Variants in KIAA0825 observed in about 807,000 individuals in gnomAD.
The protein encoded by KIAA0825 is KIAA0825.
Under a neutral mutation model 147.6 loss-of-function variants are expected in KIAA0825, and 119 were observed. That is an observed-to-expected ratio of 0.81 (90% confidence interval 0.69 to 0.94). KIAA0825 has a LOEUF of 0.94. Ranked by LOEUF, KIAA0825 falls within the 40% of genes least tolerant of loss-of-function variation. The pLI, the probability that KIAA0825 is intolerant of heterozygous loss-of-function variation, is 0.00. For synonymous variants in KIAA0825, 470 were observed against 518.1 expected, an observed-to-expected ratio of 0.91 and a Z score of 1.26; for missense variants, 1,381 against 1,472.7, an observed-to-expected ratio of 0.94 and a Z score of 1.02.
At chr5:94,347,693 A>G (rs992564056) in intron 20 of KIAA0825, among the ~76,000 whole-genome samples, 1 of 152,206 alleles carries the variant, frequency 6.6e-6, no homozygotes, top group African/African-American at 2.4e-5. Context: ...GAGCCTATCC[A>G]AATGAGAAAA....
At chr5:94,523,887 GT>G in intron 4 of KIAA0825, 42 bp downstream of exon 4, 1 of 1,310,200 alleles carries the variant, frequency 7.6e-7, no homozygotes, top group Non-Finnish European at 1.1e-6. Context: ...TGTATTCCCT[GT>G]TTACTCATCC....
chr5:94,587,935 C>A (rs901985609), intron 1 of KIAA0825, among the ~76,000 whole-genome samples: 2 of 152,134 alleles, frequency 1.3e-5, no homozygotes, highest in African/African-American at 4.8e-5. Flanking sequence ...CAAAAACAAG[C>A]AATGGGGAAA....
intron 6 of KIAA0825, among the ~76,000 whole-genome samples, chr5:94,480,164 C>T (rs1762337151): frequency 6.6e-6 from 1 of 151,724 alleles, no homozygotes; most frequent in South Asian, 2.1e-4. Context: ...TTTGTGGTAG[C>T]AAATGAAGAG....
At chr5:94,159,054 G>A (rs1428536527) in intron 20 of KIAA0825, among the ~76,000 whole-genome samples, 1 of 152,174 alleles carries the variant, frequency 6.6e-6, no homozygotes, top group Admixed American at 6.5e-5. Context: ...AGGTTAAGTA[G>A]TTTAACAACA....
intron 20 of KIAA0825, among the ~76,000 whole-genome samples, chr5:94,200,111 C>T (rs1771525434): frequency 6.6e-6 from 1 of 152,148 alleles, no homozygotes; most frequent in Non-Finnish European, 1.5e-5. Context: ...GCAGCTGTCC[C>T]CACGCCAAAC....
At chr5:94,281,404 A>C (rs747064005) in intron 20 of KIAA0825, among the ~76,000 whole-genome samples, 5 of 152,100 alleles carry the variant, frequency 3.3e-5, no homozygotes, top group Non-Finnish European at 4.4e-5. Context: ...CAAGTTGGCC[A>C]CACATTAAAA....
At chr5:94,449,022 G>A (rs540562879) in intron 13 of KIAA0825, among the ~76,000 whole-genome samples, 1 of 152,212 alleles carries the variant, frequency 6.6e-6, no homozygotes, top group East Asian at 1.9e-4. Context: ...CTAATGGGCA[G>A]GGGGGATATC....
chr5:94,574,287 G>A (rs947703942), intron 2 of KIAA0825, among the ~76,000 whole-genome samples: 43 of 152,240 alleles, frequency 2.8e-4, no homozygotes, highest in African/African-American at 9.9e-4. Context: ...GCTCATGCCT[G>A]TAATCCCAGC....
At chr5:94,510,656 A>T (rs1237286182) in intron 5 of KIAA0825, among the ~76,000 whole-genome samples, 1 of 152,222 alleles carries the variant, frequency 6.6e-6, no homozygotes, top group Admixed American at 6.5e-5. Flanking sequence ...TGTATGTATA[A>T]ACAGAGGAAT....
intron 20 of KIAA0825, among the ~76,000 whole-genome samples, chr5:94,327,939 G>A (rs1180647567): frequency 2.0e-5 from 3 of 152,140 alleles, no homozygotes; most frequent in Non-Finnish European, 4.4e-5. Context: ...CTGGGAGGCA[G>A]GGGTTGCAGT....
chr5:94,544,782 G>T (rs1009868328), intron 2 of KIAA0825, among the ~76,000 whole-genome samples: 1 of 152,150 alleles, frequency 6.6e-6, no homozygotes, highest in African/African-American at 2.4e-5. Flanking sequence ...TGTACAGAGT[G>T]TCAGGAAGGC....
rs1479898893 is a variant in KIAA0825 at position 94,462,365 on chromosome 5, G to T, written c.2246+22C>A. On this transcript the variant is annotated intron_variant, in intron 12 of 20. Coordinates refer to ENST00000682413, the MANE Select transcript of KIAA0825 (RefSeq NM_001145678.3). ...TCACGTTATATCATAATAGCTAAAA[G>T]GAAAATACATTTGATACTTACTTAT... is the stretch of plus-strand genomic sequence containing the variant. The T allele has an allele frequency of 2.5e-6, 3 of 1,220,106 alleles. No homozygotes were observed. The Admixed American group carries it at 8.3e-5, about 34-fold the overall frequency. The allele number at this position is 1,220,106 out of a possible 1,614,324, so 75.6% of individuals were successfully genotyped here.
intron 5 of KIAA0825, among the ~76,000 whole-genome samples, chr5:94,487,720 A>C (rs1584652556): frequency 6.6e-6 from 1 of 152,220 alleles, no homozygotes; most frequent in Non-Finnish European, 1.5e-5. Context: ...TTACCTCTCC[A>C]GAAAACATTA....
At chr5:94,461,442 C>T (rs1759820184) in intron 12 of KIAA0825, among the ~76,000 whole-genome samples, 1 of 151,864 alleles carries the variant, frequency 6.6e-6, no homozygotes, top group Non-Finnish European at 1.5e-5. Flanking sequence ...CGATTATGTA[C>T]ATAGTATCAA....
intron 20 of KIAA0825, among the ~76,000 whole-genome samples, chr5:94,251,384 T>C (rs1775955572): frequency 6.6e-6 from 1 of 152,138 alleles, no homozygotes; most frequent in African/African-American, 2.4e-5. Flanking sequence ...TCACAACTTA[T>C]GCCACTTAAT....
chr5:94,451,293 T>C (rs1319721560), intron 13 of KIAA0825, among the ~76,000 whole-genome samples: 2 of 152,224 alleles, frequency 1.3e-5, no homozygotes, highest in Non-Finnish European at 2.9e-5. Flanking sequence ...TGCTACAATG[T>C]AGAACATTTA....
intron 5 of KIAA0825, among the ~76,000 whole-genome samples, chr5:94,493,731 G>GC (rs1764004030): frequency 6.6e-6 from 1 of 152,084 alleles, no homozygotes; most frequent in Non-Finnish European, 1.5e-5. Flanking sequence ...CTTGGGATCT[G>GC]CCCGCCTCGG....
At chr5:94,179,466 G>A (rs1430166405) in intron 20 of KIAA0825, among the ~76,000 whole-genome samples, 1 of 152,082 alleles carries the variant, frequency 6.6e-6, no homozygotes, top group Non-Finnish European at 1.5e-5. Flanking sequence ...AAAGAACTGT[G>A]CATAAACACT....
chr5:94,320,841 C>A (rs1226503254), intron 20 of KIAA0825, among the ~76,000 whole-genome samples: 1 of 152,142 alleles, frequency 6.6e-6, no homozygotes, highest in Middle Eastern at 3.4e-3. Context: ...GGACTTTAAT[C>A]CTTCTTTCAG....
Sources: gnomAD v4.1 joint callset for allele counts (sites outside exome capture counted in the v4.1 genomes callset) on GRCh38, gnomAD v4.1.1 for gene constraint, MANE v1.5 for transcripts, NCBI Gene and HGNC (gene_info 2026-07-23, HGNC 2026-07-21) for gene names.